The following PHLDB2 variants were observed in gnomAD, a reference collection of about 807,000 sequenced individuals.
The protein encoded by PHLDB2 is pleckstrin homology-like domain family B member 2.
Under a neutral mutation model 123.6 loss-of-function variants are expected in PHLDB2, and 71 were observed. The observed-to-expected ratio is 0.57, with a 90% CI of 0.47 to 0.70. The LOEUF (loss-of-function observed/expected upper bound fraction) is 0.70. Among genes scored for constraint, PHLDB2 ranks in the 30% least tolerant of loss-of-function variants. The pLI is 0.00. For missense variants in PHLDB2, 1,446 were observed against 1,519.5 expected (o/e 0.95, Z 0.80); for synonymous variants, 547 against 541.6 (o/e 1.01, Z -0.14).
chr3:111,761,830 T>C (rs6791845), intron 1 of PHLDB2, among the ~76,000 whole-genome samples: 142,611 of 152,280 alleles, frequency 0.94, 66,827 homozygotes, highest in East Asian at 1. Context: ...AGGCCATGAC[T>C]GGTTTATTTA....
upstream of PHLDB2, among the ~76,000 whole-genome samples, chr3:111,855,464 T>C (rs1456631745): frequency 7.0e-6 from 1 of 143,242 alleles, no homozygotes; most frequent in Non-Finnish European, 1.5e-5. Flanking sequence ...TTCCCTCTTT[T>C]TCCTTCCTTC....
intron 1 of PHLDB2, among the ~76,000 whole-genome samples, chr3:111,810,878 A>G (rs570115932): frequency 9.8e-5 from 15 of 152,380 alleles, no homozygotes; most frequent in African/African-American, 3.6e-4. Context: ...TACACTGGAC[A>G]GTAAGTTTGG....
intron 1 of PHLDB2, among the ~76,000 whole-genome samples, chr3:111,806,878 T>G (rs4516578): frequency 2.0e-3 from 299 of 151,962 alleles, no homozygotes; most frequent in African/African-American, 7.0e-3. Context: ...TCAAGCACCC[T>G]TCCTGCCTTG....
intron 1 of PHLDB2, among the ~76,000 whole-genome samples, chr3:111,830,235 T>C (rs2062877788): frequency 6.6e-6 from 1 of 152,114 alleles, no homozygotes; most frequent in African/African-American, 2.4e-5. Flanking sequence ...ATAAAGTAAT[T>C]TCTAAAGGTA....
chr3:111,885,075 C>G lies in PHLDB2; in HGVS notation c.998C>G (p.Ala333Gly). Residue 333 changes from alanine (A) to glycine (G), a missense_variant, in exon 2 of 18, where the codon GCC becomes GGC. By Grantham distance (60) the Ala-to-Gly change is moderately conservative. Coordinates refer to ENST00000431670, the MANE Select transcript of PHLDB2 (RefSeq NM_001134438.2). ...PYVSSTLSVP[A>G]SPRVARKMLL... Reference sequence around the variant, plus strand: ...GTAAGTTCTACCCTCAGTGTCCCTGCCAGTCCACGAGTGGCTCGGAAGATG... The same window carrying G: ...GTAAGTTCTACCCTCAGTGTCCCTGGCAGTCCACGAGTGGCTCGGAAGATG... 1 of 1,614,214 alleles carries G rather than the reference C, an allele frequency of 6.2e-7. No homozygotes were observed. Among genetic ancestry groups the G allele is most frequent in the Non-Finnish European group, 8.5e-7 (1 of 1,180,034 alleles).
intron 2 of PHLDB2, among the ~76,000 whole-genome samples, chr3:111,889,177 T>C (rs936116876): frequency 6.6e-6 from 1 of 152,222 alleles, no homozygotes; most frequent in Non-Finnish European, 1.5e-5. Flanking sequence ...AACTAATCTC[T>C]TCATCATAAA....
chr3:111,880,270 C>T (rs1449670965), intron 1 of PHLDB2, among the ~76,000 whole-genome samples: 1 of 152,020 alleles, frequency 6.6e-6, no homozygotes, highest in Non-Finnish European at 1.5e-5. Context: ...CCTGAAAGGT[C>T]GTTAGGACCC....
intron 6 of PHLDB2, among the ~76,000 whole-genome samples, chr3:111,936,166 G>A (rs2069479497): frequency 6.6e-6 from 1 of 152,074 alleles, no homozygotes; most frequent in South Asian, 2.1e-4. Context: ...GTAAACTTCT[G>A]CCGTATACAT....
In PHLDB2 at chr3:111,918,321, A is replaced by G. The variant is rs77779855; in HGVS notation, c.1720-751A>G. ...TTCTTGCCGATGAACCAGTTTTTCC[A>G]TGAAATAATTTTATGAATGGTGGCC... On this transcript the variant is annotated intron_variant, in intron 3 of 17. Coordinates refer to ENST00000431670, the MANE Select transcript of PHLDB2 (RefSeq NM_001134438.2). 8.4e-4 allele frequency among the ~76,000 whole-genome samples: 128 copies of G among 152,272 alleles called. 1 individual carries two copies. In the East Asian group the frequency reaches 0.018, roughly 22 times the overall value.
At chr3:111,782,228 G>GT (rs2060501337) in intron 1 of PHLDB2, among the ~76,000 whole-genome samples, 1 of 152,094 alleles carries the variant, frequency 6.6e-6, no homozygotes, top group Admixed American at 6.6e-5. Context: ...AAATGTTCAG[G>GT]TTTTTACTGG....
chr3:111,832,661 A>G (rs1042311583), intron 1 of PHLDB2, among the ~76,000 whole-genome samples: 3 of 115,550 alleles, frequency 2.6e-5, no homozygotes, highest in Non-Finnish European at 5.2e-5. Context: ...TTATACATAT[A>G]ATATATATAA....
intron 1 of PHLDB2, among the ~76,000 whole-genome samples, chr3:111,840,751 C>G (rs1160023438): frequency 6.6e-6 from 1 of 152,180 alleles, no homozygotes; most frequent in Admixed American, 6.5e-5. Context: ...GACGAACCTA[C>G]TCAAAAGATT....
chr3:111,919,331 T>C (rs960593161), intron 4 of PHLDB2, 116 bp downstream of exon 4: 9 of 1,045,682 alleles, frequency 8.6e-6, no homozygotes, highest in Non-Finnish European at 1.3e-5. Flanking sequence ...CAAGCAAACA[T>C]TTATTCAGTG....
chr3:111,949,073 G>A lies in PHLDB2; in HGVS notation c.2629G>A (p.Glu877Lys), dbSNP rs1442493935. ...GCTGGCGAGCCAGCCACAGAGTAAAGAGGTGTGTAGGCATGACGTTTCATT... is the reference window on the plus strand; with the variant it reads ...GCTGGCGAGCCAGCCACAGAGTAAAAAGGTGTGTAGGCATGACGTTTCATT... ...AVLASQPQSK[E>K]HFRSLEERKK... The change falls in exon 10 of 18, where the codon GAG becomes AAG. Residue 877 changes from glutamate to lysine, a missense_variant and splice_region_variant. Glu to Lys is a moderately conservative substitution (Grantham distance 56). Transcript: ENST00000431670. 1.2e-6 allele frequency: 2 copies of A among 1,613,646 alleles called. No individual in the cohort carries two copies. Among genetic ancestry groups the A allele is most frequent in the South Asian group, 1.1e-5 (1 of 91,078 alleles).
rs771142415 is a variant in PHLDB2 at position 111,913,641 on chromosome 3, C to A, written c.1658C>A (p.Pro553Gln). ...AGTGACCTCACCCGGACTCCTCCAC[C>A]ACCATCCTCCACCTTTCCGAAAGCT... ...LLSDLTRTPP[P>Q]PSSTFPKASS... The change falls in exon 3 of 18, where the codon CCA (proline) becomes CAA (glutamine). Residue 553 changes from proline to glutamine, a missense_variant. This residue lies in a region of PHLDB2 where 832 missense variants were observed against 831.9 expected (regional missense o/e 1.00). Transcript: ENST00000431670. 6.2e-7 allele frequency: 1 copy of A among 1,613,928 alleles called. No individual in the cohort carries two copies. The highest frequency in any genetic ancestry group is 8.5e-7 in the Non-Finnish European group (1 of 1,179,828).
intron 9 of PHLDB2, among the ~76,000 whole-genome samples, chr3:111,946,998 T>G (rs1000767881): frequency 6.6e-6 from 1 of 152,160 alleles, no homozygotes; most frequent in Non-Finnish European, 1.5e-5. Flanking sequence ...ATAGATTGGA[T>G]GTTGGGATGA....
chr3:111,818,024 A>G (rs1447379266), intron 1 of PHLDB2, among the ~76,000 whole-genome samples: 1 of 152,138 alleles, frequency 6.6e-6, no homozygotes, highest in Middle Eastern at 3.4e-3. Context: ...ATTTTTGTTC[A>G]CTAATGTTCA....
At chr3:111,839,804 T>C (rs1191088280) in intron 1 of PHLDB2, among the ~76,000 whole-genome samples, 2 of 152,082 alleles carry the variant, frequency 1.3e-5, no homozygotes, top group African/African-American at 4.8e-5. Context: ...AGGACCGAGG[T>C]ATAGAAAAAT....
chr3:111,877,081 A>G (rs571816004), intron 1 of PHLDB2, among the ~76,000 whole-genome samples: 4 of 152,218 alleles, frequency 2.6e-5, no homozygotes, highest in Non-Finnish European at 5.9e-5. Context: ...TTGGGTATAT[A>G]TCCAGTAATG....
Sources: gnomAD v4.1 joint callset for allele counts (sites outside exome capture counted in the v4.1 genomes callset) on GRCh38, gnomAD v4.1.1 for gene constraint, gnomAD v4.1.1 regional missense constraint, MANE v1.5 for transcripts, NCBI Gene and HGNC (gene_info 2026-07-23, HGNC 2026-07-21) for gene names.